Variants in FECH observed in about 807,000 individuals in gnomAD.
The protein encoded by FECH is ferrochelatase, mitochondrial.
In FECH, 40 loss-of-function variants were observed where a neutral mutation model predicts 56.9. The observed-to-expected ratio is 0.70, with a 90% CI of 0.55 to 0.92. FECH has a LOEUF of 0.92. Among genes scored for constraint, FECH ranks in the 40% least tolerant of loss-of-function variants. The pLI is 0.00. For synonymous variants in FECH, 175 were observed against 198.6 expected, an observed-to-expected ratio of 0.88 and a Z score of 1.00; for missense variants, 431 against 529.1, an observed-to-expected ratio of 0.81 and a Z score of 1.82.
chr18:57,547,456 C>T lies in FECH; in HGVS notation c.*3256G>A, dbSNP rs1383062101. On this transcript the variant is annotated 3_prime_UTR_variant, in exon 11 of 11. Transcript: ENST00000262093. ...CTGTTCTTGTGACAGCCAGTTCTCA[C>T]GAGATCTGATGGTTTTATAAGGGGG... Among the ~76,000 whole-genome samples, 2 of 152,134 alleles carry T rather than the reference C, an allele frequency of 1.3e-5. No homozygotes were observed. Among genetic ancestry groups the T allele is most frequent in the Admixed American group, 6.5e-5 (1 of 15,280 alleles).
chr18:57,566,729 T>G (rs2051021979), intron 4 of FECH, 148 bp from the exon 5 acceptor site: 1 of 964,500 alleles, frequency 1.0e-6, no homozygotes, highest in African/African-American at 1.6e-5. Context: ...AGCATATTCC[T>G]TGGATCTTAT....
chr18:57,575,197 CT>C (rs1170587954), intron 2 of FECH, among the ~76,000 whole-genome samples: 1 of 152,138 alleles, frequency 6.6e-6, no homozygotes, highest in Non-Finnish European at 1.5e-5. Flanking sequence ...CTCTTTATTG[CT>C]AAATAATATT....
Position 57,550,759 on chromosome 18 carries a change from G to A in FECH, c.1225C>T (p.Pro409Ser), listed in dbSNP as rs267606804. The change falls in exon 11 of 11, where the codon CCT (proline) becomes TCT (serine). Residue 409 changes from proline (P) to serine (S), a missense_variant. Coordinates refer to ENST00000262093, the MANE Select transcript of FECH (RefSeq NM_000140.5). Reference protein sequence around the residue: ...LTLSCPLCVNPVCRETKSFFT... With the variant: ...LTLSCPLCVNSVCRETKSFFT... ...AAGGATTTAGTCTCCCTGCAGACAG[G>A]ATTGACACAGAGCGGACAGCTCAGG... The A allele has an allele frequency of 6.2e-7, 1 of 1,614,186 alleles. No individual in the cohort carries two copies. Among genetic ancestry groups the A allele is most frequent in the Non-Finnish European group, 8.5e-7 (1 of 1,180,020 alleles).
intron 5 of FECH, among the ~76,000 whole-genome samples, chr18:57,566,013 C>T (rs9950459): frequency 0.039 from 6,001 of 152,260 alleles, 394 homozygotes; most frequent in African/African-American, 0.14. Flanking sequence ...AGCAAAACAA[C>T]GACAACAGCA....
chr18:57,575,283 C>G (rs1396247117), intron 2 of FECH, among the ~76,000 whole-genome samples: 1 of 152,158 alleles, frequency 6.6e-6, no homozygotes, highest in Non-Finnish European at 1.5e-5. Context: ...TTTATCTAAA[C>G]ACCGTTATTA....
chr18:57,567,221 CA>C (rs781632439), intron 4 of FECH, among the ~76,000 whole-genome samples: 38 of 152,198 alleles, frequency 2.5e-4, no homozygotes, highest in Admixed American at 3.9e-4. Flanking sequence ...TCATTGATAA[CA>C]AATGATTAAA....
intron 7 of FECH, among the ~76,000 whole-genome samples, chr18:57,556,168 T>C (rs113975756): frequency 5.6e-4 from 86 of 152,238 alleles, no homozygotes; most frequent in African/African-American, 1.9e-3. Flanking sequence ...CAAATTATTT[T>C]ATGATTATTA....
intron 5 of FECH, among the ~76,000 whole-genome samples, chr18:57,565,583 A>AG (rs1240496170): frequency 5.9e-5 from 9 of 152,128 alleles, no homozygotes; most frequent in Non-Finnish European, 2.9e-5. Context: ...AAAAAAAAAA[A>AG]AAAAGAAAGA....
chr18:57,577,726 T>G lies in FECH; in HGVS notation c.194+2347A>C, dbSNP rs2051203355. Among the ~76,000 whole-genome samples the G allele has an allele frequency of 2.0e-5, 3 of 152,224 alleles. No homozygotes were observed. In the South Asian group the frequency reaches 6.2e-4, roughly 31 times the overall value. On this transcript the variant is annotated intron_variant, in intron 2 of 10. Transcript: ENST00000262093. ...TATGATGTACAGTACGGTCACATCT[T>G]GCTAAATACATACAGAGTGAATATT...
intron 1 of FECH, among the ~76,000 whole-genome samples, chr18:57,582,996 T>C (rs1173937482): frequency 6.6e-6 from 1 of 152,066 alleles, no homozygotes; most frequent in African/African-American, 2.4e-5. Context: ...ATTTGGGAGC[T>C]AGTAGCTTTT....
At chr18:57,552,144 G>A (rs673130) in intron 9 of FECH, among the ~76,000 whole-genome samples, 112,191 of 151,810 alleles carry the variant, frequency 0.74, 42,591 homozygotes, top group African/African-American at 0.91. Context: ...TCAGCCTCCC[G>A]AAGTGCTGGG....
chr18:57,582,167 G>A (rs1325912726), intron 1 of FECH, among the ~76,000 whole-genome samples: 1 of 152,180 alleles, frequency 6.6e-6, no homozygotes, highest in Non-Finnish European at 1.5e-5. Context: ...CATGGGGCAT[G>A]AGAATGAAAC....
At chr18:57,557,665 C>T (rs1250999508) in intron 7 of FECH, among the ~76,000 whole-genome samples, 2 of 152,096 alleles carry the variant, frequency 1.3e-5, no homozygotes, top group African/African-American at 2.4e-5. Flanking sequence ...GGCGTGGTTG[C>T]GTGTGCCTGT....
In FECH at chr18:57,545,787, G is replaced by A. The variant is rs762439106; in HGVS notation, c.*4925C>T. 5.9e-5 allele frequency among the ~76,000 whole-genome samples: 9 copies of A among 152,082 alleles called. No individual in the cohort carries two copies. Among genetic ancestry groups the A allele is most frequent in the Middle Eastern group, 3.2e-3 (1 of 316 alleles). ...TTAAGGCAAAGATCAGATAATAGCC[G>A]TATTGCACAAGTGTCTAGCTGGAGA... On this transcript the variant is annotated 3_prime_UTR_variant, in exon 11 of 11. Transcript: ENST00000262093.
At chr18:57,577,788 C>T (rs1183555783) in intron 2 of FECH, among the ~76,000 whole-genome samples, 1 of 152,184 alleles carries the variant, frequency 6.6e-6, no homozygotes, top group African/African-American at 2.4e-5. Context: ...TGGCTGGTCG[C>T]TCACACCTGT....
intron 4 of FECH, among the ~76,000 whole-genome samples, chr18:57,570,164 G>A (rs113540188): frequency 6.6e-6 from 1 of 151,894 alleles, no homozygotes; most frequent in African/African-American, 2.4e-5. Context: ...AAAGTGCTGG[G>A]ATTACAGGCG....
rs553380408 is a variant in FECH at position 57,573,808 on chromosome 18, G to A, written c.195-443C>T. ...ATAGCACCCACCACCTACTCAAAAT[G>A]CTGTTTTGAGAATTCAGTGGGTAAC... On this transcript the variant is annotated intron_variant, in intron 2 of 10. Coordinates refer to ENST00000262093, the MANE Select transcript of FECH (RefSeq NM_000140.5). 4.6e-5 allele frequency among the ~76,000 whole-genome samples: 7 copies of A among 152,278 alleles called. No homozygotes were observed. In the East Asian group the frequency reaches 1.4e-3, roughly 29 times the overall value.
intron 1 of FECH, among the ~76,000 whole-genome samples, chr18:57,581,897 T>C (rs906125533): frequency 6.6e-6 from 1 of 152,176 alleles, no homozygotes; most frequent in African/African-American, 2.4e-5. Flanking sequence ...TACACATTCC[T>C]AGCACAGCCA....
rs1555679002 is a variant in FECH at position 57,549,424 on chromosome 18, T to TAAAAA, written c.*1283_*1287dup. 2 of 141,704 alleles carry TAAAAA rather than the reference T, an allele frequency of 1.4e-5. No individual in the cohort carries two copies. The highest frequency in any genetic ancestry group is 1.4e-4 in the Admixed American group (2 of 14,200). The allele number at this position is 141,704 out of a possible 1,614,324, so 8.8% of individuals were successfully genotyped here. ...TAATACTTCCACTTTATAAACTGGC[T>TAAAAA]AAAAAAAAAAAAAAAAAGAAACGCT... is the stretch of plus-strand genomic sequence containing the variant. On this transcript the variant is annotated 3_prime_UTR_variant, in exon 11 of 11. Coordinates refer to ENST00000262093, the MANE Select transcript of FECH (RefSeq NM_000140.5).
Sources: gnomAD v4.1 joint callset for allele counts (sites outside exome capture counted in the v4.1 genomes callset) on GRCh38, gnomAD v4.1.1 for gene constraint, MANE v1.5 for transcripts, NCBI Gene and HGNC (gene_info 2026-07-23, HGNC 2026-07-21) for gene names.